TTC28: variants seen among roughly 807,000 people sequenced by gnomAD.
TTC28 encodes the protein tetratricopeptide repeat protein 28.
TTC28 carries 61 observed loss-of-function variants against 198.0 expected under a neutral mutation model. That is an observed-to-expected ratio of 0.31 (90% CI 0.25 to 0.38). The LOEUF is 0.38. Ranked by LOEUF, TTC28 falls within the 10% of genes least tolerant of loss-of-function variation. The pLI, the probability that TTC28 is intolerant of heterozygous loss-of-function variation, is 1.00. For missense variants in TTC28, 2,678 were observed against 3,164.0 expected (o/e 0.85, Z 3.69); for synonymous variants, 1,171 against 1,297.8 (o/e 0.90, Z 2.10).
At chr22:28,246,032 G>A (rs1930067863) in intron 5 of TTC28, among the ~76,000 whole-genome samples, 1 of 152,160 alleles carries the variant, frequency 6.6e-6, no homozygotes, top group South Asian at 2.1e-4. Flanking sequence ...CTTCCATGAA[G>A]CTAAAAGTAA....
intron 17 of TTC28, among the ~76,000 whole-genome samples, chr22:27,994,222 T>A (rs533199918): frequency 1.7e-3 from 254 of 152,124 alleles, no homozygotes; most frequent in African/African-American, 6.0e-3. Flanking sequence ...GACGGGCAGA[T>A]CACTTGAGTC....
chr22:28,396,899 C>T (rs738200), intron 2 of TTC28, among the ~76,000 whole-genome samples: 12,720 of 152,202 alleles, frequency 0.084, 640 homozygotes, highest in Non-Finnish European at 0.096. Context: ...CTATGATTGT[C>T]TTTCTGTCCC....
chr22:28,003,897 C>T lies in TTC28; in HGVS notation c.4219-2344G>A, dbSNP rs375494397. Among the ~76,000 whole-genome samples, 20 of 152,304 alleles carry T rather than the reference C, an allele frequency of 1.3e-4. No homozygotes were observed. The East Asian group carries it at 2.7e-3, about 21-fold the overall frequency. On this transcript the variant is annotated intron_variant, in intron 14 of 22. Transcript: ENST00000397906. ...GTCAGAAGTCTCCCAAGCTGGGCCT[C>T]GACTTTCCCATCAGCCACTGAGTGG... is the stretch of plus-strand genomic sequence containing the variant.
At chr22:28,169,108 C>A (rs961167436) in intron 5 of TTC28, among the ~76,000 whole-genome samples, 4 of 152,174 alleles carry the variant, frequency 2.6e-5, no homozygotes, top group Non-Finnish European at 5.9e-5. Flanking sequence ...AAATGCAAAT[C>A]AAAACCACAA....
intron 12 of TTC28, among the ~76,000 whole-genome samples, chr22:28,090,716 A>T (rs1941787744): frequency 6.6e-6 from 1 of 152,236 alleles, no homozygotes; most frequent in Non-Finnish European, 1.5e-5. Context: ...GGTTTTAAAA[A>T]ATATTTACTA....
intron 12 of TTC28, among the ~76,000 whole-genome samples, chr22:28,088,215 AG>A (rs745733925): frequency 2.0e-5 from 3 of 152,200 alleles, no homozygotes; most frequent in Non-Finnish European, 2.9e-5. Flanking sequence ...GTCAATCTTA[AG>A]CCAAAAGAGC....
intron 12 of TTC28, among the ~76,000 whole-genome samples, chr22:28,032,184 AT>A (rs1939124427): frequency 2.7e-5 from 2 of 74,308 alleles, no homozygotes; most frequent in Admixed American, 1.8e-4. Context: ...ATATATATAT[AT>A]ATAAAATATA....
In TTC28 at chr22:28,376,072, C is replaced by A. The variant is rs191475684; in HGVS notation, c.382-69429G>T. Among the ~76,000 whole-genome samples the A allele has an allele frequency of 3.9e-5, 6 of 152,298 alleles. No individual in the cohort carries two copies. In the East Asian group the frequency reaches 1.2e-3, roughly 29 times the overall value. On this transcript the variant is annotated intron_variant, in intron 2 of 22. Coordinates refer to ENST00000397906, the MANE Select transcript of TTC28 (RefSeq NM_001145418.2). ...AGCTTGCAGACTGCCTGTCATGAGA[C>A]TTCTTGGCCCCCATAATCTCATGAG...
chr22:28,381,873 T>G (rs577257422), intron 2 of TTC28, among the ~76,000 whole-genome samples: 58 of 152,270 alleles, frequency 3.8e-4, no homozygotes, highest in African/African-American at 1.4e-3. Context: ...ATGCAATAGA[T>G]TAGAGTAAAA....
intron 5 of TTC28, among the ~76,000 whole-genome samples, chr22:28,232,377 G>C (rs1261461637): frequency 6.6e-6 from 1 of 152,176 alleles, no homozygotes; most frequent in Non-Finnish European, 1.5e-5. Flanking sequence ...AGGCCTCATG[G>C]GGCAGCCTTT....
intron 5 of TTC28, among the ~76,000 whole-genome samples, chr22:28,225,342 G>A (rs909858967): frequency 6.9e-6 from 1 of 145,648 alleles, no homozygotes; most frequent in Non-Finnish European, 1.5e-5. Flanking sequence ...GCAACAGAGT[G>A]AGAGATTCTG....
intron 5 of TTC28, among the ~76,000 whole-genome samples, chr22:28,196,748 G>A (rs146840710): frequency 1.3e-5 from 2 of 151,700 alleles, no homozygotes; most frequent in African/African-American, 2.4e-5. Flanking sequence ...TTAGTATGGC[G>A]ATCATTAAAA....
chr22:28,532,568 T>C (rs1406561002), intron 2 of TTC28, among the ~76,000 whole-genome samples: 2 of 152,146 alleles, frequency 1.3e-5, no homozygotes, highest in Non-Finnish European at 2.9e-5. Context: ...GAGGCCAGCA[T>C]CACCCTGATA....
At chr22:28,018,292 C>T (rs1462067818) in intron 13 of TTC28, among the ~76,000 whole-genome samples, 297 of 52,058 alleles carry the variant, frequency 5.7e-3, no homozygotes, top group African/African-American at 0.016. Context: ...TGTGTGCGCG[C>T]GTGTGTGCGC....
chr22:28,296,858 T>A (rs1459412073), intron 4 of TTC28, among the ~76,000 whole-genome samples: 1 of 152,178 alleles, frequency 6.6e-6, no homozygotes, highest in Non-Finnish European at 1.5e-5. Context: ...ACAGAGAGGT[T>A]AAGAAACTTG....
intron 12 of TTC28, among the ~76,000 whole-genome samples, chr22:28,070,312 T>C (rs1940918160): frequency 6.6e-6 from 1 of 152,010 alleles, no homozygotes; most frequent in Non-Finnish European, 1.5e-5. Flanking sequence ...ACACAATAAA[T>C]ACTACTGTGA....
chr22:28,678,095 T>A (rs2145723118), intron 1 of TTC28, among the ~76,000 whole-genome samples: 1 of 152,320 alleles, frequency 6.6e-6, no homozygotes, highest in Middle Eastern at 3.4e-3. Context: ...CCCAATGGAA[T>A]GAAATCCTAA....
chr22:28,143,452 T>A lies in TTC28; in HGVS notation c.1441+19640A>T, dbSNP rs1024753847. On this transcript the variant is annotated intron_variant, in intron 6 of 22. Transcript: ENST00000397906. ...ACTGCTAACTCCAAGAACTCTTTCT[T>A]TTCAATTATAACATTGTGTTGGAGA... is the stretch of plus-strand genomic sequence containing the variant. Among the ~76,000 whole-genome samples the A allele has an allele frequency of 2.0e-5, 3 of 152,348 alleles. No individual in the cohort carries two copies. The South Asian group carries it at 6.2e-4, about 32-fold the overall frequency.
chr22:28,265,705 G>A (rs1339775666), intron 5 of TTC28, among the ~76,000 whole-genome samples: 2 of 152,070 alleles, frequency 1.3e-5, no homozygotes, highest in African/African-American at 4.8e-5. Flanking sequence ...AAGCAATGTT[G>A]ACACAAAGGC....
Sources: gnomAD v4.1 joint callset for allele counts (sites outside exome capture counted in the v4.1 genomes callset) on GRCh38, gnomAD v4.1.1 for gene constraint, MANE v1.5 for transcripts, NCBI Gene and HGNC (gene_info 2026-07-23, HGNC 2026-07-21) for gene names.